Variants in CCBE1 observed in about 807,000 individuals in gnomAD.
The protein encoded by CCBE1 is collagen and calcium-binding EGF domain-containing protein 1.
A neutral mutation model predicts 50.0 loss-of-function variants in CCBE1; 37 were observed. That is an observed-to-expected ratio of 0.74 (90% CI 0.57 to 0.97). CCBE1 has a LOEUF of 0.97. Among genes scored for constraint, CCBE1 ranks in the 50% least tolerant of loss-of-function variants. The pLI, the probability that CCBE1 is intolerant of heterozygous loss-of-function variation, is 0.00. For missense variants in CCBE1, 538 were observed against 523.8 expected (o/e 1.03, Z -0.26); for synonymous variants, 234 against 203.7 (o/e 1.15, Z -1.27).
At chr18:59,680,225 A>C (rs1406194007) in intron 2 of CCBE1, among the ~76,000 whole-genome samples, 4 of 74,498 alleles carry the variant, frequency 5.4e-5, no homozygotes, top group African/African-American at 1.6e-4. Context: ...CTTTTCAAAA[A>C]AGAAAAAAAA....
chr18:59,593,033 G>A (rs142235625), intron 2 of CCBE1, among the ~76,000 whole-genome samples: 2 of 152,190 alleles, frequency 1.3e-5, no homozygotes, highest in African/African-American at 4.8e-5. Flanking sequence ...GAAATGCAAG[G>A]AAGTGTTAGG....
In CCBE1 at chr18:59,557,815, TTTCA is replaced by T. The variant is rs200484328; in HGVS notation, c.213-77581_213-77578del. Among the ~76,000 whole-genome samples, 1,244 of 152,344 alleles carry T rather than the reference TTTCA, an allele frequency of 8.2e-3. 21 individuals are homozygous for T. The highest frequency in any genetic ancestry group is 0.029 in the African/African-American group (1,200 of 41,572). On this transcript the variant is annotated intron_variant, in intron 2 of 10. Transcript: ENST00000439986. ...AATCTATGCTTTCGCTGCTTCGTTC[TTTCA>T]TTGCTTTGTGCGTTTTGTCCAATTC...
intron 2 of CCBE1, among the ~76,000 whole-genome samples, chr18:59,525,000 G>A (rs905299341): frequency 2.0e-5 from 3 of 151,846 alleles, no homozygotes; most frequent in Admixed American, 6.6e-5. Context: ...GGTTGATTCT[G>A]TGTCTTTGCT....
intron 2 of CCBE1, among the ~76,000 whole-genome samples, chr18:59,633,825 C>G (rs1398552649): frequency 1.3e-5 from 2 of 151,736 alleles, no homozygotes; most frequent in African/African-American, 4.8e-5. Flanking sequence ...GGCATGGCAC[C>G]CAAACATAAG....
intron 2 of CCBE1, among the ~76,000 whole-genome samples, chr18:59,587,294 T>C (rs2144525078): frequency 6.6e-6 from 1 of 152,184 alleles, no homozygotes; most frequent in East Asian, 1.9e-4. Context: ...AAAGAATATA[T>C]TGTGGTCAGC....
At chr18:59,483,522 A>T (rs1445530490) in intron 2 of CCBE1, among the ~76,000 whole-genome samples, 1 of 152,198 alleles carries the variant, frequency 6.6e-6, no homozygotes, top group Non-Finnish European at 1.5e-5. Flanking sequence ...GCTGCACTAC[A>T]ATTTGGTCTG....
chr18:59,659,430 C>T (rs188300546), intron 2 of CCBE1, among the ~76,000 whole-genome samples: 2 of 152,102 alleles, frequency 1.3e-5, no homozygotes, highest in East Asian at 1.9e-4. Flanking sequence ...TGCATTCTCT[C>T]GGGCATGAAA....
At chr18:59,591,293 G>T (rs1430746159) in intron 2 of CCBE1, among the ~76,000 whole-genome samples, 1 of 119,652 alleles carries the variant, frequency 8.4e-6, no homozygotes, top group Non-Finnish European at 1.9e-5. Context: ...AAAAAAAGCT[G>T]CTAAGTATGA....
At chr18:59,616,496 A>G (rs1310070290) in intron 2 of CCBE1, among the ~76,000 whole-genome samples, 1 of 152,168 alleles carries the variant, frequency 6.6e-6, no homozygotes, top group Non-Finnish European at 1.5e-5. Context: ...CTCAGAGAAC[A>G]TGCCTCCCCA....
At chr18:59,533,441 C>T (rs893512293) in intron 2 of CCBE1, among the ~76,000 whole-genome samples, 2 of 152,148 alleles carry the variant, frequency 1.3e-5, no homozygotes, top group South Asian at 4.1e-4. Flanking sequence ...ATAAAGAGAA[C>T]ACTTTTTCTT....
intron 2 of CCBE1, among the ~76,000 whole-genome samples, chr18:59,504,957 A>G (rs146783152): frequency 3.3e-5 from 5 of 152,228 alleles, no homozygotes; most frequent in Admixed American, 2.0e-4. Context: ...AAAAACCCCA[A>G]GAGTCCAAAC....
intron 9 of CCBE1, among the ~76,000 whole-genome samples, chr18:59,439,188 G>C (rs767002339): frequency 2.2e-4 from 33 of 152,240 alleles, no homozygotes; most frequent in Non-Finnish European, 4.4e-4. Context: ...TCGGGAGGCT[G>C]AGGCAGGAGA....
At chr18:59,617,700 C>A (rs569601813) in intron 2 of CCBE1, among the ~76,000 whole-genome samples, 1 of 152,282 alleles carries the variant, frequency 6.6e-6, no homozygotes, top group African/African-American at 2.4e-5. Context: ...TTTTACCACA[C>A]AGCCCTTTAG....
At chr18:59,554,062 G>A (rs1916023743) in intron 2 of CCBE1, among the ~76,000 whole-genome samples, 1 of 152,174 alleles carries the variant, frequency 6.6e-6, no homozygotes. Context: ...GAGAGCAGTG[G>A]TGCGATCACA....
chr18:59,571,075 C>T (rs748930401), intron 2 of CCBE1, among the ~76,000 whole-genome samples: 5 of 152,162 alleles, frequency 3.3e-5, no homozygotes, highest in Non-Finnish European at 5.9e-5. Context: ...CAGTCAGTCC[C>T]TAGGAGTGAA....
intron 7 of CCBE1, among the ~76,000 whole-genome samples, chr18:59,445,207 A>T (rs1910617275): frequency 6.6e-6 from 1 of 152,114 alleles, no homozygotes; most frequent in Non-Finnish European, 1.5e-5. Flanking sequence ...TTTTGAGTTA[A>T]TTTTTGCAGA....
chr18:59,684,659 T>A (rs1022385533), intron 2 of CCBE1, among the ~76,000 whole-genome samples: 1 of 152,226 alleles, frequency 6.6e-6, no homozygotes, highest in Non-Finnish European at 1.5e-5. Flanking sequence ...TTTATAATCA[T>A]TTCCATTTCT....
At chr18:59,473,696 C>CA (rs1267840823) in intron 3 of CCBE1, among the ~76,000 whole-genome samples, 2 of 67,306 alleles carry the variant, frequency 3.0e-5, no homozygotes, top group African/African-American at 1.0e-4. Flanking sequence ...CCAACCCTCC[C>CA]ACTACTCCCC....
At chr18:59,458,076 A>G (rs1042697327) in intron 5 of CCBE1, among the ~76,000 whole-genome samples, 4 of 152,200 alleles carry the variant, frequency 2.6e-5, no homozygotes. Context: ...CATCTCATCT[A>G]CTGGTCAATT....
Sources: allele counts gnomAD v4.1 joint callset (sites outside exome capture counted in the v4.1 genomes callset), GRCh38; gene constraint gnomAD v4.1.1; transcripts MANE v1.5; gene names NCBI Gene and HGNC (gene_info 2026-07-23, HGNC 2026-07-21).